CXCL13: variants seen among roughly 807,000 people sequenced by gnomAD.
CXCL13 encodes C-X-C motif chemokine 13.
Under a neutral mutation model 12.2 loss-of-function variants are expected in CXCL13, and 7 were observed. The ratio of observed to expected loss-of-function variants is 0.57; its 90% CI spans 0.33 to 1.07. The LOEUF (loss-of-function observed/expected upper bound fraction) is 1.07, where lower values mean the gene tolerates loss of function less well. CXCL13 is among the 50% of genes least tolerant of loss of function. The probability of loss-of-function intolerance (pLI) is 0.04; values close to 1 mark genes in which losing one functional copy is unlikely to be tolerated. For missense variants in CXCL13, 113 were observed against 127.4 expected, an observed-to-expected ratio of 0.89 and a Z score of 0.55; for synonymous variants, 47 against 42.4, an observed-to-expected ratio of 1.11 and a Z score of -0.42.
intron 1 of CXCL13, among the ~76,000 whole-genome samples, chr4:77,546,937 G>A (rs1378587414): frequency 6.6e-6 from 1 of 152,170 alleles, no homozygotes; most frequent in Non-Finnish European, 1.5e-5. Context: ...CTGGTGCATT[G>A]TGTGTTTGTT....
chr4:77,569,366 A>G (rs1052354465), intron 1 of CXCL13, among the ~76,000 whole-genome samples: 1 of 152,198 alleles, frequency 6.6e-6, no homozygotes, highest in Non-Finnish European at 1.5e-5. Flanking sequence ...CTAGAAAACC[A>G]CATAATCTCA....
chr4:77,519,488 A>T (rs573361577), intron 1 of CXCL13, among the ~76,000 whole-genome samples: 4 of 151,896 alleles, frequency 2.6e-5, no homozygotes, highest in Non-Finnish European at 5.9e-5. Context: ...GCATTTTTTC[A>T]TGTGTCTGTT....
chr4:77,586,628 C>G (rs1173816819), intron 1 of CXCL13, among the ~76,000 whole-genome samples: 1 of 152,174 alleles, frequency 6.6e-6, no homozygotes, highest in Non-Finnish European at 1.5e-5. Flanking sequence ...ATATTCAGGA[C>G]AGGATCTCTG....
intron 1 of CXCL13, among the ~76,000 whole-genome samples, chr4:77,568,462 A>G (rs967958598): frequency 6.6e-6 from 1 of 152,184 alleles, no homozygotes. Flanking sequence ...TCTCAGTGCC[A>G]AAATGCTTGC....
At chr4:77,544,763 T>C (rs1021404212) in intron 1 of CXCL13, among the ~76,000 whole-genome samples, 3 of 152,242 alleles carry the variant, frequency 2.0e-5, no homozygotes, top group African/African-American at 7.2e-5. Flanking sequence ...AGATCTCATT[T>C]GTCAATTTTG....
At chr4:77,553,757 C>T (rs355675) in intron 1 of CXCL13, among the ~76,000 whole-genome samples, 93,302 of 152,070 alleles carry the variant, frequency 0.61, 30,884 homozygotes, top group Non-Finnish European at 0.73. Flanking sequence ...TGTACTACCT[C>T]GCTGTTTCCG....
intron 1 of CXCL13, among the ~76,000 whole-genome samples, chr4:77,589,067 A>G (rs552686339): frequency 6.6e-6 from 1 of 152,330 alleles, no homozygotes; most frequent in African/African-American, 2.4e-5. Context: ...AAATGCTTAC[A>G]AGAGCCTTCC....
intron 1 of CXCL13, among the ~76,000 whole-genome samples, chr4:77,542,006 G>A (rs1725216209): frequency 6.6e-6 from 1 of 152,064 alleles, no homozygotes; most frequent in Non-Finnish European, 1.5e-5. Context: ...TTGGTTCTCA[G>A]CTTGAATACT....
intron 1 of CXCL13, among the ~76,000 whole-genome samples, chr4:77,516,194 G>T (rs1225056699): frequency 6.6e-6 from 1 of 152,158 alleles, no homozygotes; most frequent in Non-Finnish European, 1.5e-5. Context: ...TTGATGTGCT[G>T]CTGGATTCAG....
chr4:77,555,955 A>G (rs1426110639), intron 1 of CXCL13, among the ~76,000 whole-genome samples: 1 of 152,208 alleles, frequency 6.6e-6, no homozygotes, highest in Non-Finnish European at 1.5e-5. Flanking sequence ...AATAACTGAG[A>G]ATGTCATGGG....
chr4:77,546,464 G>A (rs1438818810), intron 1 of CXCL13, among the ~76,000 whole-genome samples: 1 of 152,112 alleles, frequency 6.6e-6, no homozygotes, highest in Non-Finnish European at 1.5e-5. Flanking sequence ...CTTCTTCCTG[G>A]TTTAGTCTTG....
intron 1 of CXCL13, among the ~76,000 whole-genome samples, chr4:77,539,512 G>A (rs953052033): frequency 6.6e-6 from 1 of 152,136 alleles, no homozygotes; most frequent in Non-Finnish European, 1.5e-5. Flanking sequence ...TTCCCTTGGG[G>A]TGGGCTGTCC....
intron 1 of CXCL13, among the ~76,000 whole-genome samples, chr4:77,589,234 A>G (rs1726551188): frequency 6.6e-6 from 1 of 152,202 alleles, no homozygotes; most frequent in African/African-American, 2.4e-5. Context: ...TAAATTGTGC[A>G]CTGTTCTAAG....
intron 1 of CXCL13, among the ~76,000 whole-genome samples, chr4:77,519,049 G>C (rs981680567): frequency 6.6e-6 from 1 of 152,204 alleles, no homozygotes; most frequent in Non-Finnish European, 1.5e-5. Context: ...GAGTTTGCTA[G>C]AGGTCCACTC....
chr4:77,567,221 C>A lies in CXCL13; in HGVS notation c.-42-38603C>A, dbSNP rs184114127. 2.0e-5 allele frequency among the ~76,000 whole-genome samples: 3 copies of A among 152,318 alleles called. No individual in the cohort carries two copies. In the East Asian group the frequency reaches 5.8e-4, roughly 29 times the overall value. On this transcript the variant is annotated intron_variant, in intron 1 of 4. Coordinates refer to the CXCL13 transcript ENST00000286758. ...AAAAAATTGCTCCTAACTCCACCGC[C>A]TATCCCAAACCTATAAGAACTAATG...
intron 1 of CXCL13, among the ~76,000 whole-genome samples, chr4:77,512,596 G>A (rs1724302010): frequency 6.6e-6 from 1 of 151,880 alleles, no homozygotes; most frequent in Non-Finnish European, 1.5e-5. Flanking sequence ...TTCTTATAAG[G>A]ACACCAGTCA....
intron 1 of CXCL13, among the ~76,000 whole-genome samples, chr4:77,582,758 G>A (rs991352543): frequency 1.3e-5 from 2 of 152,306 alleles, no homozygotes; most frequent in South Asian, 4.1e-4. Flanking sequence ...GCAATATGAA[G>A]AATTGGTGCA....
intron 1 of CXCL13, among the ~76,000 whole-genome samples, chr4:77,555,550 T>C (rs1196477865): frequency 6.6e-6 from 1 of 151,966 alleles, no homozygotes; most frequent in Non-Finnish European, 1.5e-5. Flanking sequence ...AATGTAAAAA[T>C]AAAAATTATA....
intron 1 of CXCL13, among the ~76,000 whole-genome samples, chr4:77,556,145 T>C (rs1236732548): frequency 6.6e-6 from 1 of 152,234 alleles, no homozygotes; most frequent in Non-Finnish European, 1.5e-5. Flanking sequence ...CAGAGACTTA[T>C]ACACAAATGC....
Sources: allele counts gnomAD v4.1 joint callset (sites outside exome capture counted in the v4.1 genomes callset), GRCh38; gene constraint gnomAD v4.1.1; transcripts MANE v1.5; gene names NCBI Gene and HGNC (gene_info 2026-07-23, HGNC 2026-07-21).